KMT2A: variants seen among roughly 807,000 people sequenced by gnomAD.
KMT2A encodes lysine methyltransferase 2A.
KMT2A carries 16 observed loss-of-function variants against 345.3 expected under a neutral mutation model. The observed-to-expected ratio is 0.05, with a 90% CI of 0.03 to 0.07. KMT2A has a LOEUF of 0.07. Ranked by LOEUF, KMT2A falls within the 10% of genes least tolerant of loss-of-function variation. The probability of loss-of-function intolerance (pLI) is 1.00; values close to 1 mark genes in which losing one functional copy is unlikely to be tolerated. For missense variants in KMT2A, 3,272 were observed against 4,841.6 expected, an observed-to-expected ratio of 0.68 and a Z score of 9.62; for synonymous variants, 1,599 against 1,778.6, an observed-to-expected ratio of 0.90 and a Z score of 2.54.
rs1951045619 is a variant in KMT2A at position 118,524,779 on chromosome 11, C to T, written c.*2607C>T. ...ATGCACTGATGGGTCCTGAATTCAC[C>T]TTGAGAAAGACCCAAAGGCCAGTCA... On this transcript the variant is annotated 3_prime_UTR_variant, in exon 36 of 36. Coordinates refer to ENST00000534358, the MANE Select transcript of KMT2A (RefSeq NM_001197104.2). 5.5e-6 allele frequency: 1 copy of T among 181,178 alleles called. No homozygotes were observed. Among genetic ancestry groups the T allele is most frequent in the East Asian group, 9.1e-5 (1 of 10,984 alleles). 11.2% of individuals were successfully genotyped at this position (181,178 alleles called of 1,614,324 possible).
At chr11:118,462,907 G>T (rs918135481) in intron 1 of KMT2A, among the ~76,000 whole-genome samples, 2 of 151,690 alleles carry the variant, frequency 1.3e-5, no homozygotes, top group Non-Finnish European at 2.9e-5. Flanking sequence ...AAGACCAGAA[G>T]GAAAACGAAT....
chr11:118,508,629 G>A (rs1025293896), intron 28 of KMT2A, among the ~76,000 whole-genome samples: 1 of 151,768 alleles, frequency 6.6e-6, no homozygotes. Context: ...AAGCTAAGGC[G>A]GGAGGATTGC....
rs1172786213 is a variant in KMT2A at position 118,476,407 on chromosome 11, C to T, written c.3157-398C>T. On this transcript the variant is annotated intron_variant, in intron 3 of 35. Coordinates refer to ENST00000534358, the MANE Select transcript of KMT2A (RefSeq NM_001197104.2). This position sits in a 1 kb window ranked among gnomAD's most constrained non-coding sequence, Gnocchi z 4.1. Reference sequence around the variant, plus strand: ...TTTGTTTGTTTTTAAGATAGGGTCTCACTCTGTCACCCAGGGTGGCTCAAG... The same window carrying T: ...TTTGTTTGTTTTTAAGATAGGGTCTTACTCTGTCACCCAGGGTGGCTCAAG... Among the ~76,000 whole-genome samples the T allele has an allele frequency of 1.3e-5, 2 of 152,018 alleles. No homozygotes were observed. The highest frequency in any genetic ancestry group is 1.5e-5 in the Non-Finnish European group (1 of 68,000).
intron 8 of KMT2A, among the ~76,000 whole-genome samples, chr11:118,483,626 G>A (rs1950180927): frequency 6.6e-6 from 1 of 152,168 alleles, no homozygotes; most frequent in Admixed American, 6.5e-5. Flanking sequence ...TTCTAGCCTA[G>A]GAATCTGCTT....
Position 118,522,203 on chromosome 11 carries a change from A to G in KMT2A, c.*31A>G. ...CTCTTCTCCCCCAGTGTTGGAGTGC[A>G]AGGAGGCGGGGCCATCCAAAGCAAC... On this transcript the variant is annotated 3_prime_UTR_variant, in exon 36 of 36. Transcript: ENST00000534358. This position sits in a 1 kb window ranked among gnomAD's most constrained non-coding sequence, Gnocchi z 5.4. 10 of 1,608,290 alleles carry G rather than the reference A, an allele frequency of 6.2e-6. No homozygotes were observed. Among genetic ancestry groups the G allele is most frequent in the Non-Finnish European group, 8.5e-6 (10 of 1,175,578 alleles).
Position 118,521,460 on chromosome 11 carries a change from G to C in KMT2A, c.11643+43G>C. The C allele has an allele frequency of 6.2e-7, 1 of 1,608,230 alleles. No individual in the cohort carries two copies. The highest frequency in any genetic ancestry group is 8.5e-7 in the Non-Finnish European group (1 of 1,175,294). On this transcript the variant is annotated intron_variant, in intron 35 of 35. Transcript: ENST00000534358. The surrounding 1 kb of genome is among the most constrained non-coding windows in gnomAD (Gnocchi z 5.3). The stretch of plus-strand genomic sequence containing the variant: ...ACTCACACAGTTCTTTTGTTTTGCT[G>C]TAGAAAGGGACCAGTATGACCCCTG...
chr11:118,525,920 T>C lies in KMT2A; in HGVS notation c.*3748T>C, dbSNP rs550403686. 64 of 225,368 alleles carry C rather than the reference T, an allele frequency of 2.8e-4. No homozygotes were observed. Among genetic ancestry groups the C allele is most frequent in the Non-Finnish European group, 4.2e-4 (48 of 113,300 alleles). 14.0% of individuals were successfully genotyped at this position (225,368 alleles called of 1,614,324 possible). On this transcript the variant is annotated 3_prime_UTR_variant, in exon 36 of 36. Coordinates refer to ENST00000534358, the MANE Select transcript of KMT2A (RefSeq NM_001197104.2). ...TTTTGTGCCGAATCATGAATACTAG[T>C]CAAGTCACACACTCTGGAAACTTGC...
rs182965863 is a variant in KMT2A, at chr11:118,463,124, A to T, written c.433-5651A>T. On this transcript the variant is annotated intron_variant, in intron 1 of 35. Transcript: ENST00000534358. ...GTGTGTATCTCTTACATTTATCTTTATTTTTTTTTTTTAAATAAAGATGGG... is the reference window on the plus strand; with the variant it reads ...GTGTGTATCTCTTACATTTATCTTTTTTTTTTTTTTTTAAATAAAGATGGG... 7.4e-3 allele frequency among the ~76,000 whole-genome samples: 1,079 copies of T among 146,616 alleles called. 12 individuals are homozygous for T. The highest frequency in any genetic ancestry group is 0.025 in the African/African-American group (987 of 39,820).
chr11:118,491,347 C>T lies in KMT2A; in HGVS notation c.4819+29C>T. 1.2e-6 allele frequency: 2 copies of T among 1,607,172 alleles called. No individual in the cohort carries two copies. Among genetic ancestry groups the T allele is most frequent in the Non-Finnish European group, 1.7e-6 (2 of 1,176,666 alleles). On this transcript the variant is annotated intron_variant, in intron 14 of 35. Transcript: ENST00000534358. The surrounding 1 kb of genome is among the most constrained non-coding windows in gnomAD (Gnocchi z 4.2). ...GGAGTCTTTTTATTTCAGTTTTCTT[C>T]TTTCTAGGTACTACTACATTTATTA...
In KMT2A at chr11:118,504,037, A is replaced by G; in HGVS notation, c.8145A>G (p.Pro2715=). 3.7e-6 allele frequency: 6 copies of G among 1,614,228 alleles called. No individual in the cohort carries two copies. The highest frequency in any genetic ancestry group is 5.1e-6 in the Non-Finnish European group (6 of 1,180,016). ...GGGAGGAGGAACAGTGTGATCTTCC[A>G]AAAATCTCACAGTTGGATGGTGTTG... ...LFREEEQCDL[P]KISQLDGVDD... Residue 2715 remains proline, a synonymous_variant, in exon 27 of 36, where the codon CCA becomes CCG. Transcript: ENST00000534358. The surrounding 1 kb of genome is among the most constrained non-coding windows in gnomAD (Gnocchi z 6.4).
Position 118,503,560 on chromosome 11 carries a change from A to G in KMT2A, c.7668A>G (p.Thr2556=), listed in dbSNP as rs782204025. ...CTTCCCCTTTGCAAATAGAGTCAAC[A>G]TCTCCCACAGAACCAATTTCAGCCT... ...SPASPLQIES[T]SPTEPISASE... is the part of the protein sequence containing the mutation. Residue 2556 remains threonine (T), a synonymous_variant, in exon 27 of 36, where the codon ACA becomes ACG. Transcript: ENST00000534358. The surrounding 1 kb of genome is among the most constrained non-coding windows in gnomAD (Gnocchi z 5.3). The G allele has an allele frequency of 1.9e-6, 3 of 1,614,150 alleles. No homozygotes were observed. Among genetic ancestry groups the G allele is most frequent in the South Asian group, 2.2e-5 (2 of 91,088 alleles).
intron 1 of KMT2A, among the ~76,000 whole-genome samples, chr11:118,461,928 G>A (rs503691): frequency 6.6e-6 from 1 of 152,052 alleles, no homozygotes; most frequent in Non-Finnish European, 1.5e-5. Flanking sequence ...AGTGAAAGGA[G>A]GACTTTTTTG....
chr11:118,482,382 G>A (rs370448160), intron 7 of KMT2A, 40 bp from the exon 8 acceptor site: 10 of 1,446,380 alleles, frequency 6.9e-6, no homozygotes, highest in East Asian at 2.3e-5. Flanking sequence ...TAAAGTAGTC[G>A]TTGCCAGCAT....
chr11:118,526,425 A>C lies in KMT2A; in HGVS notation c.*4253A>C. ...GTGTTTCTTTTATTGAACTTTTAAC[A>C]GTCTCTTTAGTAAATACAGGTAGTT... On this transcript the variant is annotated 3_prime_UTR_variant, in exon 36 of 36. Transcript: ENST00000534358. 4.4e-6 allele frequency: 1 copy of C among 228,250 alleles called. No homozygotes were observed. The highest frequency in any genetic ancestry group is 8.7e-6 in the Non-Finnish European group (1 of 115,100). The allele number at this position is 228,250 out of a possible 1,614,324, so 14.1% of individuals were successfully genotyped here.
rs781982867 is a variant in KMT2A, at chr11:118,471,862, A to G, written c.703A>G (p.Ile235Val). ...CACCTTCCCTGGAGTAAAAATCAAA[A>G]TAACACATGGAAAGGACATTTCAGA... ...PPTFPGVKIK[I>V]THGKDISELP... The change falls in exon 3 of 36, where the codon ATA becomes GTA. Residue 235 changes from isoleucine to valine, a missense_variant. Transcript: ENST00000534358. 1.2e-6 allele frequency: 2 copies of G among 1,612,256 alleles called. No individual in the cohort carries two copies. Among genetic ancestry groups the G allele is most frequent in the East Asian group, 2.2e-5 (1 of 44,890 alleles).
intron 10 of KMT2A, among the ~76,000 whole-genome samples, chr11:118,487,470 A>C (rs980140298): frequency 6.6e-6 from 1 of 152,216 alleles, no homozygotes; most frequent in Non-Finnish European, 1.5e-5. Flanking sequence ...ACTTACAAAA[A>C]AACTATGAGT....
intron 5 of KMT2A, among the ~76,000 whole-genome samples, chr11:118,478,965 A>C (rs1343846351): frequency 2.0e-5 from 3 of 152,146 alleles, no homozygotes; most frequent in Non-Finnish European, 4.4e-5. Context: ...TTTAATTTTT[A>C]TGGGTACATA....
At chr11:118,514,501 C>A (rs1355817341) in intron 31 of KMT2A, among the ~76,000 whole-genome samples, 1 of 151,618 alleles carries the variant, frequency 6.6e-6, no homozygotes, top group African/African-American at 2.4e-5. Flanking sequence ...AGTGCAGTGG[C>A]GTGATCTCGG....
At chr11:118,516,415 C>T (rs922012686) in intron 31 of KMT2A, among the ~76,000 whole-genome samples, 1 of 152,066 alleles carries the variant, frequency 6.6e-6, no homozygotes, top group Non-Finnish European at 1.5e-5. Flanking sequence ...CAAGATCATA[C>T]CTGTGAATAG....
Sources: gnomAD v4.1 joint callset for allele counts (sites outside exome capture counted in the v4.1 genomes callset) on GRCh38, gnomAD v4.1.1 for gene constraint, Gnocchi (gnomAD v3.1) non-coding constraint, MANE v1.5 for transcripts, NCBI Gene and HGNC (gene_info 2026-07-23, HGNC 2026-07-21) for gene names.